The following RBFOX1 variants were observed in gnomAD, a reference collection of about 807,000 sequenced individuals.
The protein encoded by RBFOX1 is RNA binding protein fox-1 homolog 1.
A neutral mutation model predicts 57.7 loss-of-function variants in RBFOX1; 8 were observed. The ratio of observed to expected loss-of-function variants is 0.14; its 90% CI spans 0.08 to 0.25. The LOEUF (loss-of-function observed/expected upper bound fraction) is 0.25. Ranked by LOEUF, RBFOX1 falls within the 10% of genes least tolerant of loss-of-function variation. The probability of loss-of-function intolerance (pLI) is 1.00; values close to 1 mark genes in which losing one functional copy is unlikely to be tolerated. For missense variants in RBFOX1, 611 were observed against 548.5 expected, an observed-to-expected ratio of 1.11 and a Z score of -1.14; for synonymous variants, 326 against 222.4, an observed-to-expected ratio of 1.47 and a Z score of -4.15.
intron 4 of RBFOX1, among the ~76,000 whole-genome samples, chr16:7,491,114 G>A (rs777436244): frequency 6.6e-6 from 1 of 152,046 alleles, no homozygotes; most frequent in Non-Finnish European, 1.5e-5. Flanking sequence ...CTTAAATAAA[G>A]TCATCAGCCC....
At chr16:6,417,053 C>T (rs2093642466) in intron 2 of RBFOX1, among the ~76,000 whole-genome samples, 1 of 152,074 alleles carries the variant, frequency 6.6e-6, no homozygotes, top group Admixed American at 6.5e-5. Context: ...TCTCTGTCAC[C>T]CAGGCTAAAG....
At chr16:7,041,099 T>C (rs200212379) in intron 3 of RBFOX1, among the ~76,000 whole-genome samples, 14,065 of 147,342 alleles carry the variant, frequency 0.095, 1,174 homozygotes, top group East Asian at 0.32. Flanking sequence ...TTTTTTTTTT[T>C]TTTTTTTTGT....
chr16:6,601,211 G>C (rs979530656), intron 2 of RBFOX1, among the ~76,000 whole-genome samples: 1 of 152,124 alleles, frequency 6.6e-6, no homozygotes, highest in Non-Finnish European at 1.5e-5. Flanking sequence ...TCATGAAATG[G>C]AAGAGTCTTT....
chr16:6,789,852 G>A (rs989442969), intron 3 of RBFOX1, among the ~76,000 whole-genome samples: 1 of 151,830 alleles, frequency 6.6e-6, no homozygotes, highest in Non-Finnish European at 1.5e-5. Context: ...TCTTCATTAA[G>A]TGGTTAGCTA....
At chr16:5,305,641 C>G (rs1367216508) in intron 1 of RBFOX1, among the ~76,000 whole-genome samples, 1 of 152,138 alleles carries the variant, frequency 6.6e-6, no homozygotes, top group African/African-American at 2.4e-5. Flanking sequence ...AAAATAAAGT[C>G]TGCTGAAGAA....
At chr16:5,300,280 G>C (rs2063770905) in intron 1 of RBFOX1, among the ~76,000 whole-genome samples, 1 of 152,046 alleles carries the variant, frequency 6.6e-6, no homozygotes, top group Non-Finnish European at 1.5e-5. Flanking sequence ...CACATATGCT[G>C]GCCTTAAAAA....
intron 2 of RBFOX1, among the ~76,000 whole-genome samples, chr16:6,565,126 CAAA>C (rs34624731): frequency 2.5e-4 from 25 of 98,194 alleles, no homozygotes; most frequent in African/African-American, 5.5e-4. Flanking sequence ...ACTCTGTCTC[CAAA>C]AAAAAAAAAA....
intron 3 of RBFOX1, among the ~76,000 whole-genome samples, chr16:5,656,504 T>G (rs79879058): frequency 0.15 from 23,230 of 152,134 alleles, 1,847 homozygotes; most frequent in East Asian, 0.25. Context: ...ACTTGTTAAG[T>G]TTGGTGATAA....
chr16:6,906,737 T>TG, intron 3 of RBFOX1, among the ~76,000 whole-genome samples: 1 of 151,806 alleles, frequency 6.6e-6, no homozygotes, highest in African/African-American at 2.4e-5. Flanking sequence ...TTTTTTTTTT[T>TG]TTTGAGACAG....
chr16:6,640,305 G>A (rs1315383709), intron 2 of RBFOX1, among the ~76,000 whole-genome samples: 3 of 151,910 alleles, frequency 2.0e-5, no homozygotes, highest in Non-Finnish European at 4.4e-5. Context: ...TTAATTTTTT[G>A]TTAATTTAAA....
At chr16:6,131,739 T>G (rs1377203998) in intron 1 of RBFOX1, among the ~76,000 whole-genome samples, 4 of 152,198 alleles carry the variant, frequency 2.6e-5, no homozygotes, top group Admixed American at 1.3e-4. Context: ...CCACTGGCCT[T>G]CCTTGGAAAG....
At chr16:6,150,776 T>A (rs115261866) in intron 1 of RBFOX1, among the ~76,000 whole-genome samples, 2,951 of 152,280 alleles carry the variant, frequency 0.019, 94 homozygotes, top group African/African-American at 0.065. Context: ...AGAGCTAGAT[T>A]TGTGCCTAGG....
chr16:6,561,596 A>G (rs1427643277), intron 2 of RBFOX1, among the ~76,000 whole-genome samples: 4 of 152,152 alleles, frequency 2.6e-5, no homozygotes, highest in Admixed American at 1.3e-4. Context: ...GAACAAACCA[A>G]TTTTAGGAGG....
intron 3 of RBFOX1, among the ~76,000 whole-genome samples, chr16:6,900,473 T>G (rs1430312731): frequency 6.6e-6 from 1 of 152,184 alleles, no homozygotes; most frequent in Non-Finnish European, 1.5e-5. Flanking sequence ...CCGTTGCTCT[T>G]AGGATGAAAG....
At chr16:7,552,664 C>T (rs1018108055) in intron 5 of RBFOX1, among the ~76,000 whole-genome samples, 7 of 152,060 alleles carry the variant, frequency 4.6e-5, no homozygotes, top group African/African-American at 9.7e-5. Context: ...TTGTTGTGAA[C>T]GACTAATTTG....
chr16:6,156,589 A>G (rs1284351131), intron 1 of RBFOX1, among the ~76,000 whole-genome samples: 1 of 152,186 alleles, frequency 6.6e-6, no homozygotes, highest in South Asian at 2.1e-4. Flanking sequence ...TGTAACAGTG[A>G]GACGAGGTGG....
intron 3 of RBFOX1, among the ~76,000 whole-genome samples, chr16:6,690,609 A>C (rs1324548350): frequency 1.3e-5 from 2 of 152,166 alleles, no homozygotes; most frequent in Non-Finnish European, 2.9e-5. Context: ...TAGTAAGACC[A>C]AGCAGGGATT....
At chr16:5,300,008 G>A (rs151315282) in intron 1 of RBFOX1, among the ~76,000 whole-genome samples, 1 of 151,196 alleles carries the variant, frequency 6.6e-6, no homozygotes, top group Non-Finnish European at 1.5e-5. Flanking sequence ...TCATGAATGG[G>A]TGTTAAATTT....
At chr16:6,389,259 A>T (rs1272248710) in intron 2 of RBFOX1, among the ~76,000 whole-genome samples, 1 of 152,216 alleles carries the variant, frequency 6.6e-6, no homozygotes, top group Non-Finnish European at 1.5e-5. Context: ...GAAAGGAGAG[A>T]ATAATGAAAC....
Sources: gnomAD v4.1 joint callset for allele counts (sites outside exome capture counted in the v4.1 genomes callset) on GRCh38, gnomAD v4.1.1 for gene constraint, MANE v1.5 for transcripts, NCBI Gene and HGNC (gene_info 2026-07-23, HGNC 2026-07-21) for gene names.